WIPF3: variants seen among roughly 807,000 people sequenced by gnomAD.
WIPF3 encodes WAS/WASL interacting protein family member 3.
Under a neutral mutation model 38.9 loss-of-function variants are expected in WIPF3, and 33 were observed. That is an observed-to-expected ratio of 0.85 (90% confidence interval 0.64 to 1.14). The LOEUF (loss-of-function observed/expected upper bound fraction) is 1.14. Among genes scored for constraint, WIPF3 ranks in the 50% most tolerant of loss-of-function variants. The pLI, the probability that WIPF3 is intolerant of heterozygous loss-of-function variation, is 0.00. For synonymous variants in WIPF3, 324 were observed against 269.3 expected, an observed-to-expected ratio of 1.20 and a Z score of -1.99; for missense variants, 711 against 652.5, an observed-to-expected ratio of 1.09 and a Z score of -0.98.
At chr7:29,814,018 A>G (rs372690656) in intron 1 of WIPF3, among the ~76,000 whole-genome samples, 87 of 151,656 alleles carry the variant, frequency 5.7e-4, no homozygotes, top group African/African-American at 2.0e-3. Flanking sequence ...CCACCCAGGC[A>G]CAGGTGATCC....
chr7:29,890,131 G>A (rs968015872), intron 7 of WIPF3, among the ~76,000 whole-genome samples: 1 of 152,148 alleles, frequency 6.6e-6, no homozygotes, highest in Non-Finnish European at 1.5e-5. Context: ...GGCTGAGGCA[G>A]GAGGATCACA....
intron 6 of WIPF3, among the ~76,000 whole-genome samples, chr7:29,888,500 CGTGTGTGTGCGTGTGTGTGT>C (rs1336370633): frequency 7.2e-6 from 1 of 138,686 alleles, no homozygotes; most frequent in Admixed American, 7.0e-5. Flanking sequence ...TGTGCGTGTG[CGTGTGTGTGCGTGTGTGTGT>C]GTGTGTGTGT....
intron 8 of WIPF3, among the ~76,000 whole-genome samples, chr7:29,912,020 T>C (rs981575071): frequency 6.6e-6 from 1 of 152,212 alleles, no homozygotes; most frequent in Non-Finnish European, 1.5e-5. Context: ...GGTATTTTCA[T>C]ATCGTGTATC....
At chr7:29,814,012 C>T (rs956876739) in intron 1 of WIPF3, among the ~76,000 whole-genome samples, 5 of 152,062 alleles carry the variant, frequency 3.3e-5, no homozygotes, top group African/African-American at 4.8e-5. Context: ...CCTCGACCAC[C>T]CAGGCACAGG....
At chr7:29,810,286 TA>T (rs1400443618) in intron 1 of WIPF3, among the ~76,000 whole-genome samples, 1 of 152,202 alleles carries the variant, frequency 6.6e-6, no homozygotes, top group Non-Finnish European at 1.5e-5. Flanking sequence ...AACCCACTCA[TA>T]ACCCCAAGGT....
At chr7:29,897,727 A>C (rs910571771) in intron 7 of WIPF3, among the ~76,000 whole-genome samples, 1 of 152,240 alleles carries the variant, frequency 6.6e-6, no homozygotes, top group African/African-American at 2.4e-5. Flanking sequence ...AGAACAAAAC[A>C]TACTGCCAGT....
intron 6 of WIPF3, among the ~76,000 whole-genome samples, chr7:29,888,912 G>A (rs928064045): frequency 3.9e-5 from 6 of 152,184 alleles, no homozygotes; most frequent in Non-Finnish European, 7.3e-5. Flanking sequence ...AACCCTCCCA[G>A]GAGCTTCTCA....
intron 1 of WIPF3, among the ~76,000 whole-genome samples, chr7:29,808,877 A>G (rs964564652): frequency 6.6e-6 from 1 of 152,228 alleles, no homozygotes; most frequent in Non-Finnish European, 1.5e-5. Flanking sequence ...AATATAACCT[A>G]GGAAAGATCC....
intron 2 of WIPF3, among the ~76,000 whole-genome samples, chr7:29,859,910 C>T (rs1785246514): frequency 6.6e-6 from 1 of 152,142 alleles, no homozygotes; most frequent in Non-Finnish European, 1.5e-5. Context: ...GTTCAATAAA[C>T]AGAATTGGAG....
At chr7:29,834,118 T>C (rs1374664569) in intron 1 of WIPF3, among the ~76,000 whole-genome samples, 1 of 152,094 alleles carries the variant, frequency 6.6e-6, no homozygotes, top group Non-Finnish European at 1.5e-5. Context: ...GACACAGGAA[T>C]AGCAGGGAAA....
At chr7:29,859,413 C>T (rs1785239126) in intron 2 of WIPF3, among the ~76,000 whole-genome samples, 1 of 152,126 alleles carries the variant, frequency 6.6e-6, no homozygotes, top group African/African-American at 2.4e-5. Context: ...GGAGGGAGAG[C>T]CTTTCTGTTC....
intron 2 of WIPF3, among the ~76,000 whole-genome samples, chr7:29,835,419 C>T (rs1400320278): frequency 2.6e-5 from 4 of 152,124 alleles, no homozygotes; most frequent in Admixed American, 2.6e-4. Flanking sequence ...GATTCTCAGC[C>T]TTGGCACCAC....
intron 7 of WIPF3, among the ~76,000 whole-genome samples, chr7:29,893,458 G>C (rs571804745): frequency 7.3e-4 from 111 of 152,274 alleles, no homozygotes; most frequent in African/African-American, 2.6e-3. Context: ...GTCGGCCGGG[G>C]TGCGTGAAGT....
intron 1 of WIPF3, among the ~76,000 whole-genome samples, chr7:29,822,493 A>G (rs1262944686): frequency 6.6e-6 from 1 of 152,144 alleles, no homozygotes; most frequent in Non-Finnish European, 1.5e-5. Context: ...TGCCTTTGCC[A>G]TCTTCTCTGC....
intron 2 of WIPF3, among the ~76,000 whole-genome samples, chr7:29,835,799 C>G (rs1784790608): frequency 6.6e-6 from 1 of 152,162 alleles, no homozygotes; most frequent in African/African-American, 2.4e-5. Context: ...AGAGACAGGG[C>G]TGCTTAGAGA....
intron 8 of WIPF3, chr7:29,905,792 T>C (rs560609442): frequency 6.6e-6 from 1 of 152,270 alleles, no homozygotes; most frequent in South Asian, 2.1e-4. Context: ...TCCTGGGGAT[T>C]TCAAGGGCTG....
intron 2 of WIPF3, among the ~76,000 whole-genome samples, chr7:29,859,708 C>T (rs1464238008): frequency 6.6e-6 from 1 of 152,126 alleles, no homozygotes; most frequent in Non-Finnish European, 1.5e-5. Context: ...AGCCAGTTTC[C>T]TCTCGATCTC....
intron 2 of WIPF3, among the ~76,000 whole-genome samples, chr7:29,848,610 C>T (rs1785041053): frequency 6.6e-6 from 1 of 152,260 alleles, no homozygotes; most frequent in Admixed American, 6.5e-5. Flanking sequence ...AATTTGAACA[C>T]TGATGGGATA....
chr7:29,905,319 A>T (rs1022729401), intron 8 of WIPF3: 4 of 152,264 alleles, frequency 2.6e-5, no homozygotes, highest in African/African-American at 9.6e-5. Flanking sequence ...ACAGGAAAAA[A>T]GACAGGAAGA....
Sources: gnomAD v4.1 joint callset for allele counts (sites outside exome capture counted in the v4.1 genomes callset) on GRCh38, gnomAD v4.1.1 for gene constraint, MANE v1.5 for transcripts, NCBI Gene and HGNC (gene_info 2026-07-23, HGNC 2026-07-21) for gene names.